PC: variants seen among roughly 807,000 people sequenced by gnomAD.
The protein encoded by PC is pyruvate carboxylase, mitochondrial.
PC carries 46 observed loss-of-function variants against 107.8 expected under a neutral mutation model. The ratio of observed to expected loss-of-function variants is 0.43; its 90% CI spans 0.34 to 0.55. The LOEUF is 0.55. PC is among the 20% of genes least tolerant of loss of function. The pLI, the probability that PC is intolerant of heterozygous loss-of-function variation, is 0.04. For synonymous variants in PC, 662 were observed against 684.7 expected, an observed-to-expected ratio of 0.97 and a Z score of 0.52; for missense variants, 1,241 against 1,643.1, an observed-to-expected ratio of 0.76 and a Z score of 4.23.
In PC at chr11:66,866,405, C is replaced by T. The variant is rs113885975; in HGVS notation, c.1023-56G>A. ...ACGGGAGAAAGGGGGAAACATGAGGCGGGGGATAGACGAGGGGCACCGCAG... is the reference window on the plus strand; with the variant it reads ...ACGGGAGAAAGGGGGAAACATGAGGTGGGGGATAGACGAGGGGCACCGCAG... On this transcript the variant is annotated intron_variant, in intron 10 of 22. Coordinates refer to ENST00000393960, the MANE Select transcript of PC (RefSeq NM_001040716.2). This position sits in a 1 kb window ranked among gnomAD's most constrained non-coding sequence, Gnocchi z 5.4. 3.3e-6 allele frequency: 4 copies of T among 1,220,468 alleles called. No homozygotes were observed. The highest frequency in any genetic ancestry group is 2.6e-5 in the East Asian group (1 of 38,446). 75.6% of individuals were successfully genotyped at this position (1,220,468 alleles called of 1,614,324 possible).
At chr11:66,911,810 A>G (rs1948340644) in intron 3 of PC, among the ~76,000 whole-genome samples, 1 of 152,194 alleles carries the variant, frequency 6.6e-6, no homozygotes, top group Admixed American at 6.5e-5. Flanking sequence ...AGGCAGGCAG[A>G]TCATAAGGTC....
chr11:66,861,328 G>A (rs1339232182), intron 12 of PC, among the ~76,000 whole-genome samples: 2 of 152,188 alleles, frequency 1.3e-5, no homozygotes, highest in Non-Finnish European at 2.9e-5. Flanking sequence ...GCTCCCCCAG[G>A]TGCTGTATGA....
chr11:66,858,851 G>A lies in PC; in HGVS notation c.1368+4923C>T. On this transcript the variant is annotated intron_variant, in intron 12 of 22. Coordinates refer to ENST00000393960, the MANE Select transcript of PC (RefSeq NM_001040716.2). This position sits in a 1 kb window ranked among gnomAD's most constrained non-coding sequence, Gnocchi z 5.9. Reference sequence around the variant, plus strand: ...CAGCCCGAGTAGAACTGCGGGTGCTGGCCTTGCCCCATGGTGGGAACAGCA... The same window carrying A: ...CAGCCCGAGTAGAACTGCGGGTGCTAGCCTTGCCCCATGGTGGGAACAGCA... 12 of 1,552,664 alleles carry A rather than the reference G, an allele frequency of 7.7e-6. No individual in the cohort carries two copies. Among genetic ancestry groups the A allele is most frequent in the Non-Finnish European group, 1.0e-5 (12 of 1,149,220 alleles).
chr11:66,872,143 G>A lies in PC; in HGVS notation c.17C>T (p.Thr6Ile), dbSNP rs866901677. MLKFRTVHGGLRLLGI... is the reference protein window; with the variant it reads MLKFRIVHGGLRLLGI... ...CAGGAGCCTCAGGCCCCCATGGACT[G>A]TTCGGAACTTCAGCATCTAGGGAGG... The change falls in exon 4 of 23, where the codon ACA (threonine) becomes ATA (isoleucine). Residue 6 changes from threonine to isoleucine, a missense_variant. Transcript: ENST00000393960. 2.5e-6 allele frequency: 4 copies of A among 1,581,968 alleles called. No homozygotes were observed. The highest frequency in any genetic ancestry group is 3.4e-6 in the Non-Finnish European group (4 of 1,164,968).
intron 10 of PC, among the ~76,000 whole-genome samples, chr11:66,868,603 C>A (rs556675992): frequency 6.6e-6 from 1 of 152,320 alleles, no homozygotes; most frequent in South Asian, 2.1e-4. Flanking sequence ...CAATCGGCAG[C>A]GTCCTGACAG....
At chr11:66,901,893 A>G (rs76070735) in intron 3 of PC, among the ~76,000 whole-genome samples, 9,652 of 152,166 alleles carry the variant, frequency 0.063, 326 homozygotes, top group African/African-American at 0.075. Context: ...ATTTAATTCA[A>G]TTTATTAAAA....
chr11:66,866,141 T>G lies in PC; in HGVS notation c.1185+46A>C, dbSNP rs1210911065. On this transcript the variant is annotated intron_variant, in intron 11 of 22. Coordinates refer to ENST00000393960, the MANE Select transcript of PC (RefSeq NM_001040716.2). This position sits in a 1 kb window ranked among gnomAD's most constrained non-coding sequence, Gnocchi z 5.4. Reference sequence around the variant, plus strand: ...GCAGCCCCAGGCACCAGGCAGAACCTGTGCACAGGTGAGCTGGCATCTCCC... The same window carrying G: ...GCAGCCCCAGGCACCAGGCAGAACCGGTGCACAGGTGAGCTGGCATCTCCC... 1 of 1,589,924 alleles carries G rather than the reference T, an allele frequency of 6.3e-7. No homozygotes were observed. Among genetic ancestry groups the G allele is most frequent in the Middle Eastern group, 2.2e-4 (1 of 4,472 alleles).
intron 3 of PC, among the ~76,000 whole-genome samples, chr11:66,931,154 G>A (rs573522955): frequency 3.9e-5 from 6 of 151,998 alleles, no homozygotes; most frequent in Non-Finnish European, 7.4e-5. Flanking sequence ...TGAGGTGGGC[G>A]GATCACCTGA....
At chr11:66,881,516 C>G (rs1947187378) in intron 3 of PC, among the ~76,000 whole-genome samples, 1 of 152,260 alleles carries the variant, frequency 6.6e-6, no homozygotes, top group South Asian at 2.1e-4. Flanking sequence ...CGACGACCTG[C>G]AGGCTGAGGC....
At chr11:66,953,090 T>C (rs1949477797) in intron 2 of PC, among the ~76,000 whole-genome samples, 1 of 152,260 alleles carries the variant, frequency 6.6e-6, no homozygotes, top group Admixed American at 6.5e-5. Context: ...GAGGACACAC[T>C]GGGACGTTAA....
At position 66,871,690 on chromosome 11, in the gene PC, G is replaced by T; in HGVS notation, c.318C>A (p.Ala106=). 1 of 1,566,204 alleles carries T rather than the reference G, an allele frequency of 6.4e-7. No homozygotes were observed. The highest frequency in any genetic ancestry group is 1.4e-5 in the African/African-American group (1 of 73,772). Residue 106 remains alanine, a synonymous_variant, in exon 5 of 23, where the codon GCC becomes GCA. Coordinates refer to ENST00000393960, the MANE Select transcript of PC (RefSeq NM_001040716.2). This position sits in a 1 kb window ranked among gnomAD's most constrained non-coding sequence, Gnocchi z 7.4. ...YLHIPDIIKV[A]KENNVDAVHP... ...CCAGCCAGGCCACTGGGCTCACCTTGGCCACCTTGATGATGTCTGGGATGT... is the reference window on the plus strand; with the variant it reads ...CCAGCCAGGCCACTGGGCTCACCTTTGCCACCTTGATGATGTCTGGGATGT...
chr11:66,898,299 A>G (rs1006189708), intron 3 of PC, among the ~76,000 whole-genome samples: 1 of 152,188 alleles, frequency 6.6e-6, no homozygotes, highest in Non-Finnish European at 1.5e-5. Context: ...CTTTTAGCCG[A>G]CTGCGCTGCC....
intron 1 of PC, among the ~76,000 whole-genome samples, chr11:66,955,519 C>A (rs569626317): frequency 2.0e-5 from 3 of 152,104 alleles, no homozygotes; most frequent in Admixed American, 6.6e-5. Flanking sequence ...AGACAGAAGG[C>A]GTTATGACAC....
rs1257636874 is a variant in PC, at chr11:66,866,155, C to G, written c.1185+32G>C. The G allele has an allele frequency of 1.3e-6, 2 of 1,598,578 alleles. No individual in the cohort carries two copies. Among genetic ancestry groups the G allele is most frequent in the Admixed American group, 1.7e-5 (1 of 59,854 alleles). On this transcript the variant is annotated intron_variant, in intron 11 of 22. Coordinates refer to ENST00000393960, the MANE Select transcript of PC (RefSeq NM_001040716.2). The surrounding 1 kb of genome is among the most constrained non-coding windows in gnomAD (Gnocchi z 5.4). The stretch of plus-strand genomic sequence containing the variant: ...CAGGCAGAACCTGTGCACAGGTGAG[C>G]TGGCATCTCCCTCTGCTCGAGCTCC...
intron 3 of PC, among the ~76,000 whole-genome samples, chr11:66,873,424 TTATA>T (rs1204430997): frequency 2.4e-5 from 2 of 84,158 alleles, no homozygotes; most frequent in Non-Finnish European, 4.1e-5. Context: ...ATATAATATA[TTATA>T]TATATTATAT....
chr11:66,939,778 T>C (rs1949078987), intron 3 of PC, among the ~76,000 whole-genome samples: 1 of 109,926 alleles, frequency 9.1e-6, no homozygotes, highest in African/African-American at 3.6e-5. Context: ...CACTCCAGCC[T>C]GGGCAACAAG....
intron 12 of PC, among the ~76,000 whole-genome samples, chr11:66,859,431 C>T (rs969173958): frequency 2.6e-5 from 4 of 152,216 alleles, no homozygotes; most frequent in African/African-American, 9.7e-5. Context: ...CCCCCCACCC[C>T]ATTCCCCTCG....
In PC at chr11:66,851,937, A is replaced by G. The variant is rs1334535328; in HGVS notation, c.1835T>C (p.Phe612Ser). ...ATACAGGAAGCGCATGGCGACGTCA[A>G]ACGTGGCTCCTGCACAGGAACCGAG... ...FSMENWGGATFDVAMRFLYEC... is the reference protein window; with the variant it reads ...FSMENWGGATSDVAMRFLYEC... Residue 612 changes from phenylalanine to serine, a missense_variant, in exon 16 of 23, where the codon TTT (phenylalanine) becomes TCT (serine). Around this residue, in one of 2 missense-constraint regions of PC, gnomAD observed 1,143 missense variants for 1,551.9 expected, o/e 0.74. Coordinates refer to ENST00000393960, the MANE Select transcript of PC (RefSeq NM_001040716.2). The G allele has an allele frequency of 6.2e-7, 1 of 1,614,000 alleles. No individual in the cohort carries two copies. Among genetic ancestry groups the G allele is most frequent in the Non-Finnish European group, 8.5e-7 (1 of 1,180,008 alleles).
chr11:66,853,428 A>G lies in PC; in HGVS notation c.1369-45T>C, dbSNP rs751202214. ...GGGAGGGGGTCACCATGCAGCACAGACAGGGAAGGCAGAGGAGAAAAGGCT... is the reference window on the plus strand; with the variant it reads ...GGGAGGGGGTCACCATGCAGCACAGGCAGGGAAGGCAGAGGAGAAAAGGCT... On this transcript the variant is annotated intron_variant, in intron 12 of 22. Coordinates refer to ENST00000393960, the MANE Select transcript of PC (RefSeq NM_001040716.2). The G allele has an allele frequency of 1.1e-5, 17 of 1,610,776 alleles. No individual in the cohort carries two copies. In the East Asian group the frequency reaches 3.1e-4, roughly 30 times the overall value.
Sources: allele counts gnomAD v4.1 joint callset (sites outside exome capture counted in the v4.1 genomes callset), GRCh38; gene constraint gnomAD v4.1.1; regional missense constraint gnomAD v4.1.1; non-coding constraint Gnocchi (gnomAD v3.1); transcripts MANE v1.5; gene names NCBI Gene and HGNC (gene_info 2026-07-23, HGNC 2026-07-21).